Variants in ADD3 observed in about 807,000 individuals in gnomAD.
The protein encoded by ADD3 is gamma-adducin.
In ADD3, 25 loss-of-function variants were observed where a neutral mutation model predicts 80.2. The observed-to-expected ratio is 0.31, with a 90% confidence interval of 0.23 to 0.44. ADD3 has a LOEUF of 0.44. Ranked by LOEUF, ADD3 falls within the 20% of genes least tolerant of loss-of-function variation. The pLI, the probability that ADD3 is intolerant of heterozygous loss-of-function variation, is 1.00. For missense variants in ADD3, 829 were observed against 847.5 expected (o/e 0.98, Z 0.27); for synonymous variants, 284 against 289.6 (o/e 0.98, Z 0.20).
chr10:110,120,881 G>C (rs1851408559), intron 8 of ADD3, among the ~76,000 whole-genome samples: 1 of 150,388 alleles, frequency 6.6e-6, no homozygotes, highest in Non-Finnish European at 1.5e-5. Context: ...ACAAACCTGA[G>C]AAAAACAAGC....
chr10:110,049,510 A>G (rs1431244281), intron 1 of ADD3, among the ~76,000 whole-genome samples: 2 of 152,218 alleles, frequency 1.3e-5, no homozygotes, highest in Non-Finnish European at 2.9e-5. Flanking sequence ...GGAGCTGCTC[A>G]AGATCATAGG....
chr10:110,105,449 A>T (rs942276381), intron 2 of ADD3, among the ~76,000 whole-genome samples: 1 of 152,246 alleles, frequency 6.6e-6, no homozygotes, highest in East Asian at 1.9e-4. Flanking sequence ...TTCTGAATGC[A>T]TGGATGGATA....
At chr10:110,079,451 A>AGTGT (rs1220815116) in intron 1 of ADD3, among the ~76,000 whole-genome samples, 6 of 132,778 alleles carry the variant, frequency 4.5e-5, no homozygotes, top group African/African-American at 1.6e-4. Flanking sequence ...AGAGAGAGAG[A>AGTGT]GAGAGAGAGA....
rs978527746 is a variant in ADD3, at chr10:110,034,536, T to C, written c.-30+26237T>C. Among the ~76,000 whole-genome samples, 10 of 152,066 alleles carry C rather than the reference T, an allele frequency of 6.6e-5. No homozygotes were observed. In the South Asian group the frequency reaches 1.2e-3, roughly 19 times the overall value. On this transcript the variant is annotated intron_variant, in intron 1 of 14. Coordinates refer to ENST00000356080, the MANE Select transcript of ADD3 (RefSeq NM_016824.5). ...TAGCAATTAAACTAGTCTGTAATTC[T>C]CATTTGAGCTGAAAGGAAAACCAAA... is the stretch of plus-strand genomic sequence containing the variant.
chr10:110,065,544 T>TTTTTTTTTTTTTTTTTTTTTC (rs1843834248), intron 1 of ADD3, among the ~76,000 whole-genome samples: 1 of 76,510 alleles, frequency 1.3e-5, no homozygotes, highest in South Asian at 3.8e-4. Context: ...CTCCCCTTTT[T>TTTTTTTTTTTTTTTTTTTTTC]TTTTTTTTTT....
chr10:110,053,983 A>G (rs1024159686), intron 1 of ADD3, among the ~76,000 whole-genome samples: 5 of 152,236 alleles, frequency 3.3e-5, no homozygotes, highest in Non-Finnish European at 4.4e-5. Context: ...GGAGATGTGT[A>G]TGCCATAATC....
At chr10:109,998,688 T>C (rs1851425995) in intron 1 of ADD3, among the ~76,000 whole-genome samples, 1 of 152,100 alleles carries the variant, frequency 6.6e-6, no homozygotes, top group African/African-American at 2.4e-5. Context: ...TGCCTTTCCC[T>C]CAATCTCTCA....
At chr10:110,032,848 A>G (rs940542120) in intron 1 of ADD3, among the ~76,000 whole-genome samples, 2 of 152,202 alleles carry the variant, frequency 1.3e-5, no homozygotes, top group African/African-American at 4.8e-5. Flanking sequence ...CTCTTCATCT[A>G]AAGTATTGCC....
At chr10:110,045,514 C>G (rs898538324) in intron 1 of ADD3, among the ~76,000 whole-genome samples, 4 of 152,118 alleles carry the variant, frequency 2.6e-5, no homozygotes, top group Non-Finnish European at 5.9e-5. Context: ...TTGAATAGCA[C>G]AAGTCCACTT....
intron 1 of ADD3, among the ~76,000 whole-genome samples, chr10:110,027,191 A>C (rs1449109418): frequency 6.6e-6 from 1 of 152,230 alleles, no homozygotes; most frequent in African/African-American, 2.4e-5. Context: ...ATTTCTGATG[A>C]GAGTAATAAT....
chr10:110,100,922 A>C, intron 2 of ADD3, 74 bp downstream of exon 2: 27 of 1,375,340 alleles, frequency 2.0e-5, no homozygotes, highest in Non-Finnish European at 2.4e-5. Flanking sequence ...AAGTTTTCTC[A>C]AACTACCCTC....
intron 6 of ADD3, 78 bp from the exon 7 acceptor site, chr10:110,119,133 C>A: frequency 2.0e-6 from 3 of 1,515,762 alleles, no homozygotes; most frequent in Non-Finnish European, 2.7e-6. Context: ...TTTTCCTGAG[C>A]TGACCAAACA....
At chr10:109,999,287 G>C (rs758941175) in intron 1 of ADD3, among the ~76,000 whole-genome samples, 2 of 152,172 alleles carry the variant, frequency 1.3e-5, no homozygotes, top group Non-Finnish European at 2.9e-5. Flanking sequence ...AGGAGACCTA[G>C]GTTGTGCATT....
chr10:110,041,482 TA>T (rs1856355240), intron 1 of ADD3, among the ~76,000 whole-genome samples: 1 of 152,190 alleles, frequency 6.6e-6, no homozygotes, highest in African/African-American at 2.4e-5. Flanking sequence ...TGACTTCAAA[TA>T]AATGGTTTAA....
intron 1 of ADD3, among the ~76,000 whole-genome samples, chr10:110,032,323 G>A (rs1855141355): frequency 6.6e-6 from 1 of 152,196 alleles, no homozygotes; most frequent in African/African-American, 2.4e-5. Flanking sequence ...AGTTAGAATA[G>A]ATGTGATCAC....
upstream of ADD3, among the ~76,000 whole-genome samples, chr10:110,007,430 C>T (rs1366864122): frequency 6.6e-6 from 1 of 152,196 alleles, no homozygotes; most frequent in African/African-American, 2.4e-5. Flanking sequence ...CAGCAGCCAG[C>T]GTGGGCGGCC....
At chr10:110,062,566 C>T (rs1047540365) in intron 1 of ADD3, among the ~76,000 whole-genome samples, 1 of 152,254 alleles carries the variant, frequency 6.6e-6, no homozygotes, top group Non-Finnish European at 1.5e-5. Context: ...GGCAACAGAG[C>T]AAGACCCTGT....
intron 2 of ADD3, among the ~76,000 whole-genome samples, chr10:110,101,634 C>CT (rs1411795714): frequency 7.1e-6 from 1 of 140,692 alleles, no homozygotes; most frequent in African/African-American, 2.8e-5. Flanking sequence ...GAGACCTTAC[C>CT]TAAAAAAAAA....
chr10:110,077,465 TA>T (rs769810635), intron 1 of ADD3, among the ~76,000 whole-genome samples: 1 of 152,196 alleles, frequency 6.6e-6, no homozygotes, highest in Non-Finnish European at 1.5e-5. Context: ...TTGGACCCAT[TA>T]ATAGCATAAT....
Sources: allele counts gnomAD v4.1 joint callset (sites outside exome capture counted in the v4.1 genomes callset), GRCh38; gene constraint gnomAD v4.1.1; transcripts MANE v1.5; gene names NCBI Gene and HGNC (gene_info 2026-07-23, HGNC 2026-07-21).